TEKT1: variants seen among roughly 807,000 people sequenced by gnomAD.
The protein encoded by TEKT1 is tektin 1, also known as tektin-1.
In TEKT1, 32 loss-of-function variants were observed where a neutral mutation model predicts 34.8. That is an observed-to-expected ratio of 0.92 (90% CI 0.69 to 1.23). TEKT1 has a LOEUF of 1.23. TEKT1 is among the 50% of genes most tolerant of loss of function. The pLI is 0.00. For missense variants in TEKT1, 492 were observed against 518.5 expected (o/e 0.95, Z 0.50); for synonymous variants, 207 against 199.8 (o/e 1.04, Z -0.30).
At chr17:6,819,036 T>G (rs1265908883) in intron 3 of TEKT1, among the ~76,000 whole-genome samples, 157 bp downstream of exon 3, 5 of 152,216 alleles carry the variant, frequency 3.3e-5, no homozygotes, top group Non-Finnish European at 4.4e-5. Flanking sequence ...CCCCTTGCAC[T>G]GCCCAGCACC....
At chr17:6,828,754 GTTTGT>G (rs1248783029) in intron 2 of TEKT1, among the ~76,000 whole-genome samples, 1 of 152,062 alleles carries the variant, frequency 6.6e-6, no homozygotes, top group African/African-American at 2.4e-5. Flanking sequence ...GACGTTGGTT[GTTTGT>G]TTTGTTTTAT....
At chr17:6,801,734 G>C (rs1056791191) in intron 6 of TEKT1, among the ~76,000 whole-genome samples, 2 of 152,036 alleles carry the variant, frequency 1.3e-5, no homozygotes, top group Non-Finnish European at 2.9e-5. Context: ...AAAAGAAAAA[G>C]ACTACTTTTA....
intron 1 of TEKT1, 127 bp downstream of exon 1, chr17:6,831,522 G>A (rs1298569569): frequency 2.0e-5 from 3 of 152,164 alleles, no homozygotes; most frequent in Non-Finnish European, 4.4e-5. Flanking sequence ...AAGGCTCCTG[G>A]ATAAGTCTGA....
At chr17:6,826,404 C>G (rs1240224413) in intron 2 of TEKT1, among the ~76,000 whole-genome samples, 2 of 152,006 alleles carry the variant, frequency 1.3e-5, no homozygotes, top group Non-Finnish European at 2.9e-5. Context: ...GATTGCTGTT[C>G]AGCCTTTTGA....
intron 2 of TEKT1, among the ~76,000 whole-genome samples, chr17:6,827,232 GTTC>G (rs1165973915): frequency 2.0e-5 from 3 of 147,446 alleles, no homozygotes; most frequent in East Asian, 2.0e-4. Flanking sequence ...TTCCAACTGT[GTTC>G]TTCTTTAAGA....
Position 6,827,565 on chromosome 17 carries a change from G to A in TEKT1, c.190+2622C>T, listed in dbSNP as rs112112893. ...GGCATGAGCCACCACACTCAGCCTCGTGCCTATTCTTGACCTTTTGCATTT... is the reference window on the plus strand; with the variant it reads ...GGCATGAGCCACCACACTCAGCCTCATGCCTATTCTTGACCTTTTGCATTT... On this transcript the variant is annotated intron_variant, in intron 2 of 7. Coordinates refer to ENST00000338694, the MANE Select transcript of TEKT1 (RefSeq NM_053285.2). 4.1e-3 allele frequency among the ~76,000 whole-genome samples: 629 copies of A among 152,126 alleles called. 1 individual carries two copies. The highest frequency in any genetic ancestry group is 7.3e-3 in the Non-Finnish European group (493 of 67,988).
At chr17:6,801,264 G>A (rs896736793) in intron 6 of TEKT1, among the ~76,000 whole-genome samples, 2 of 152,072 alleles carry the variant, frequency 1.3e-5, no homozygotes, top group African/African-American at 2.4e-5. Context: ...CTTGGTACAG[G>A]GTACCTTTGT....
intron 5 of TEKT1, 55 bp from the exon 6 acceptor site, chr17:6,813,108 T>G: frequency 6.7e-7 from 1 of 1,489,462 alleles, no homozygotes; most frequent in Non-Finnish European, 9.2e-7. Flanking sequence ...GGAAGGGGGT[T>G]GGGAGAGAGG....
chr17:6,815,166 G>T lies in TEKT1; in HGVS notation c.626C>A (p.Pro209Gln). Residue 209 changes from proline to glutamine, a missense_variant, in exon 5 of 8, where the codon CCA becomes CAA. By Grantham distance (76) the Pro-to-Gln change is moderately conservative. Coordinates refer to ENST00000338694, the MANE Select transcript of TEKT1 (RefSeq NM_053285.2). Reference protein sequence around the residue: ...RYSENAVRIEPNSVSLEDWLD... With the variant: ...RYSENAVRIEQNSVSLEDWLD... ...GAAGACGGCAAGGCCCACTCACTTT[G>T]GCTCAATCCTCACGGCGTTCTCAGA... The T allele has an allele frequency of 6.2e-7, 1 of 1,610,402 alleles. No individual in the cohort carries two copies. Among genetic ancestry groups the T allele is most frequent in the Non-Finnish European group, 8.5e-7 (1 of 1,178,022 alleles).
intron 2 of TEKT1, among the ~76,000 whole-genome samples, chr17:6,825,601 T>C (rs1904372633): frequency 6.6e-6 from 1 of 152,206 alleles, no homozygotes; most frequent in Admixed American, 6.5e-5. Flanking sequence ...AGAATATAAC[T>C]GGCATCCCAG....
At chr17:6,828,191 A>G (rs1904466010) in intron 2 of TEKT1, among the ~76,000 whole-genome samples, 1 of 151,794 alleles carries the variant, frequency 6.6e-6, no homozygotes, top group African/African-American at 2.4e-5. Flanking sequence ...TGATCCGCCC[A>G]CGTTGGCCTC....
At chr17:6,829,314 C>G (rs569121063) in intron 2 of TEKT1, among the ~76,000 whole-genome samples, 2 of 152,148 alleles carry the variant, frequency 1.3e-5, no homozygotes, top group Non-Finnish European at 2.9e-5. Flanking sequence ...GGTTATACAC[C>G]TGTCCCTTGG....
intron 5 of TEKT1, 188 bp downstream of exon 5, chr17:6,814,971 CTTAG>C (rs1976983547): frequency 8.5e-6 from 5 of 585,304 alleles, no homozygotes; most frequent in South Asian, 8.0e-5. Context: ...GTCAGACTTT[CTTAG>C]TTAGTGAGCC....
rs1187469797 is a variant in TEKT1 at position 6,815,904 on chromosome 17, C to T, written c.415G>A (p.Glu139Lys). Residue 139 changes from glutamate to lysine, a missense_variant, in exon 4 of 8, where the codon GAG (glutamate) becomes AAG (lysine). Glu to Lys is a moderately conservative substitution (Grantham distance 56, BLOSUM62 1). Coordinates refer to ENST00000338694, the MANE Select transcript of TEKT1 (RefSeq NM_053285.2). ...HDTVEHELIK[E>K]AEIIQGIMAL... The stretch of plus-strand genomic sequence containing the variant: ...ATAATGCCCTGGATGATCTCAGCCT[C>T]CTTTATCAGCTCATGCTCCACTGTG... 3 of 1,614,190 alleles carry T rather than the reference C, an allele frequency of 1.9e-6. No homozygotes were observed. The highest frequency in any genetic ancestry group is 3.3e-5 in the Admixed American group (2 of 60,026).
Position 6,815,272 on chromosome 17 carries a change from C to G in TEKT1, c.520G>C (p.Asp174His), listed in dbSNP as rs1385278300. The part of the protein sequence containing the change: ...NRSAKYNLEK[D>H]LKDKFVALTI... ...AGGGCCACAAACTTGTCCTTCAAAT[C>G]CTTCTCAAGATTGTACTTGGCAGAG... The change falls in exon 5 of 8, where the codon GAT becomes CAT. Residue 174 changes from aspartate (D) to histidine (H), a missense_variant. By Grantham distance (81) the Asp-to-His change is moderately conservative (BLOSUM62 -1). Coordinates refer to ENST00000338694, the MANE Select transcript of TEKT1 (RefSeq NM_053285.2). 2 of 1,614,206 alleles carry G rather than the reference C, an allele frequency of 1.2e-6. No homozygotes were observed. Among genetic ancestry groups the G allele is most frequent in the Admixed American group, 1.7e-5 (1 of 60,026 alleles).
intron 6 of TEKT1, among the ~76,000 whole-genome samples, chr17:6,805,071 C>T (rs541664176): frequency 5.3e-5 from 8 of 152,214 alleles, no homozygotes; most frequent in South Asian, 2.1e-4. Flanking sequence ...TGGTAGAATT[C>T]GGCTGGGAAT....
intron 2 of TEKT1, among the ~76,000 whole-genome samples, chr17:6,821,867 A>T (rs72635512): frequency 0.078 from 11,798 of 152,198 alleles, 632 homozygotes; most frequent in East Asian, 0.21. Context: ...CCTGCCCTAG[A>T]GATCTGTGGA....
chr17:6,805,445 G>GT (rs1375704294), intron 6 of TEKT1, among the ~76,000 whole-genome samples: 1 of 151,866 alleles, frequency 6.6e-6, no homozygotes, highest in Non-Finnish European at 1.5e-5. Context: ...TTTTTGAAGG[G>GT]TTTTTTGTGT....
rs992569428 is a variant in TEKT1, at chr17:6,800,924, G to A, written c.872C>T (p.Ser291Phe). ...HLAKVMEEIA[S>F]QEKNITALEK... ...AAGAGCTGTAATATTTTTCTCCTGG[G>A]AAGCAATCTCTTCCATGACCTTACA... Residue 291 changes from serine to phenylalanine, a missense_variant, in exon 7 of 8, where the codon TCC (serine) becomes TTC (phenylalanine). Transcript: ENST00000338694. 1 of 1,613,780 alleles carries A rather than the reference G, an allele frequency of 6.2e-7. No individual in the cohort carries two copies.
Sources: gnomAD v4.1 joint callset for allele counts (sites outside exome capture counted in the v4.1 genomes callset) on GRCh38, gnomAD v4.1.1 for gene constraint, MANE v1.5 for transcripts, NCBI Gene and HGNC (gene_info 2026-07-23, HGNC 2026-07-21) for gene names.